HERC2: variants seen among roughly 807,000 people sequenced by gnomAD.
The protein encoded by HERC2 is HECT and RLD domain containing E3 ubiquitin protein ligase 2, also known as E3 ubiquitin-protein ligase HERC2.
A neutral mutation model predicts 537.7 loss-of-function variants in HERC2; 102 were observed. The observed-to-expected ratio is 0.19, with a 90% CI of 0.16 to 0.22. The LOEUF is 0.22. Among genes scored for constraint, HERC2 ranks in the 10% least tolerant of loss-of-function variants. The probability of loss-of-function intolerance (pLI) is 1.00; values close to 1 mark genes in which losing one functional copy is unlikely to be tolerated. For missense variants in HERC2, 4,236 were observed against 6,198.2 expected (o/e 0.68, Z 10.63); for synonymous variants, 2,224 against 2,466.2 (o/e 0.90, Z 2.91).
At chr15:28,296,338 G>C (rs896483569) in intron 3 of HERC2, among the ~76,000 whole-genome samples, 4 of 152,102 alleles carry the variant, frequency 2.6e-5, no homozygotes, top group African/African-American at 9.7e-5. Context: ...GCTGGGCATG[G>C]TGGAGGGTGC....
intron 4 of HERC2, among the ~76,000 whole-genome samples, chr15:28,285,559 A>T (rs2076133615): frequency 6.6e-6 from 1 of 152,090 alleles, no homozygotes; most frequent in African/African-American, 2.4e-5. Context: ...GTGATGAGAA[A>T]TTTACAGCAC....
intron 2 of HERC2, among the ~76,000 whole-genome samples, chr15:28,300,166 G>A (rs2076582978): frequency 6.6e-6 from 1 of 151,980 alleles, no homozygotes; most frequent in Non-Finnish European, 1.5e-5. Flanking sequence ...TACCTACGGG[G>A]AAATGGGGAG....
chr15:28,279,896 C>T, intron 5 of HERC2, 172 bp downstream of exon 5: 1 of 606,348 alleles, frequency 1.6e-6, no homozygotes, highest in Non-Finnish European at 2.9e-6. Context: ...ACTACATGAG[C>T]AAATTGGCAA....
chr15:28,280,172 G>A lies in HERC2; in HGVS notation c.438C>T (p.Ile146=). 1 of 1,614,168 alleles carries A rather than the reference G, an allele frequency of 6.2e-7. No homozygotes were observed. The highest frequency in any genetic ancestry group is 8.5e-7 in the Non-Finnish European group (1 of 1,180,022). ...TCAAGGCAATGAAATAGCGCTCCAA[G>A]ATCACCAGCCTCTGCTTGAGTCGCA... ...SALRLKQRLV[I]LERYFIALNR... The change falls in exon 5 of 93, where the codon ATC becomes ATT. Residue 146 remains isoleucine (I), a synonymous_variant. Transcript: ENST00000261609.
chr15:28,274,454 G>A lies in HERC2; in HGVS notation c.644-7C>T, dbSNP rs535970207. 9.4e-6 allele frequency: 15 copies of A among 1,602,992 alleles called. No homozygotes were observed. Among genetic ancestry groups the A allele is most frequent in the African/African-American group, 6.7e-5 (5 of 74,682 alleles). On this transcript the variant is annotated splice_polypyrimidine_tract_variant and splice_region_variant and intron_variant, in intron 6 of 92. Coordinates refer to ENST00000261609, the MANE Select transcript of HERC2 (RefSeq NM_004667.6). ...CAGAGGTCCGCATCCTCGCCTGGGC[G>A]CACACACGCGTCAGAGGAGCCCCCC...
rs765632780 is a variant in HERC2 at position 28,111,725 on chromosome 15, T to C, written c.*38A>G. On this transcript the variant is annotated 3_prime_UTR_variant, in exon 93 of 93. Transcript: ENST00000261609. The stretch of plus-strand genomic sequence containing the variant: ...ACACAGCAGCGAGCGCTCTGCTGCC[T>C]GGCTCAGGCTCTCATCTCACGAGGA... 6.2e-7 allele frequency: 1 copy of C among 1,605,268 alleles called. No individual in the cohort carries two copies. The highest frequency in any genetic ancestry group is 1.3e-5 in the African/African-American group (1 of 74,850).
chr15:28,293,744 C>T (rs1596410902), intron 3 of HERC2, among the ~76,000 whole-genome samples: 1 of 152,314 alleles, frequency 6.6e-6, no homozygotes, highest in South Asian at 2.1e-4. Context: ...CCCTACTCCA[C>T]TGCCAACTGG....
chr15:28,300,524 T>C (rs1171842595), intron 2 of HERC2, among the ~76,000 whole-genome samples: 1 of 151,416 alleles, frequency 6.6e-6, no homozygotes, highest in Non-Finnish European at 1.5e-5. Flanking sequence ...TAAATGTTCT[T>C]AGAAATTAAG....
chr15:28,168,271 T>C, intron 67 of HERC2, 136 bp downstream of exon 67: 2 of 765,294 alleles, frequency 2.6e-6, no homozygotes, highest in Non-Finnish European at 4.3e-6. Context: ...ACAGAGAATA[T>C]TCTTCTAAGT....
chr15:28,269,196 C>G, intron 11 of HERC2, 52 bp downstream of exon 11: 1 of 1,487,956 alleles, frequency 6.7e-7, no homozygotes, highest in Non-Finnish European at 9.2e-7. Flanking sequence ...ATCTGTAGGA[C>G]AGACCCTGCC....
chr15:28,214,617 T>A (rs1899677951), intron 40 of HERC2, 38 bp downstream of exon 40: 1 of 1,608,562 alleles, frequency 6.2e-7, no homozygotes, highest in Admixed American at 1.7e-5. Context: ...ACTGCGCCGC[T>A]CTTCACCAGG....
Position 28,214,165 on chromosome 15 carries a change from G to C in HERC2, c.6466C>G (p.Leu2156Val). 1 of 1,613,568 alleles carries C rather than the reference G, an allele frequency of 6.2e-7. No homozygotes were observed. Among genetic ancestry groups the C allele is most frequent in the Non-Finnish European group, 8.5e-7 (1 of 1,179,920 alleles). The change falls in exon 41 of 93, where the codon CTG becomes GTG. Residue 2156 changes from leucine (L) to valine (V), a missense_variant. Coordinates refer to ENST00000261609, the MANE Select transcript of HERC2 (RefSeq NM_004667.6). ...VVALLRTLHSLTQWNGLINKY... is the reference protein window; with the variant it reads ...VVALLRTLHSVTQWNGLINKY... ...TTGATGAGCCCATTCCACTGAGTCA[G>C]GGAGTGCAGCGTGCGCAGCAGTGCC...
intron 68 of HERC2, among the ~76,000 whole-genome samples, chr15:28,166,009 G>A (rs1894102608): frequency 6.6e-6 from 1 of 152,122 alleles, no homozygotes. Flanking sequence ...ATTGAGCCTG[G>A]AATTTTGTGT....
At chr15:28,249,670 CAG>C (rs1311619666) in intron 20 of HERC2, among the ~76,000 whole-genome samples, 1 of 152,042 alleles carries the variant, frequency 6.6e-6, no homozygotes, top group Non-Finnish European at 1.5e-5. Context: ...TTTTTTGAGA[CAG>C]AGTCTAGCTT....
chr15:28,114,630 C>T lies in HERC2; in HGVS notation c.13895G>A (p.Arg4632Gln), dbSNP rs751493128. 18 of 1,613,628 alleles carry T rather than the reference C, an allele frequency of 1.1e-5. 1 individual carries two copies. The South Asian group carries it at 1.2e-4, about 11-fold the overall frequency. ...CACCAACCTATAGTTTATCGCCAGC[C>T]GCACGTACTCCGCGCGGTTGTCCAG... Reference protein sequence around the residue: ...ITLDNRAEYVRLAINYRLHEF... With the variant: ...ITLDNRAEYVQLAINYRLHEF... Residue 4632 changes from arginine to glutamine, a missense_variant, in exon 90 of 93, where the codon CGG becomes CAG. Arg to Gln is a conservative substitution (Grantham distance 43). Transcript: ENST00000261609.
chr15:28,206,639 C>T (rs991293405), intron 44 of HERC2, among the ~76,000 whole-genome samples: 1 of 151,630 alleles, frequency 6.6e-6, no homozygotes, highest in African/African-American at 2.4e-5. Flanking sequence ...CAAGACCATC[C>T]TGGGTAACAC....
At chr15:28,237,751 T>C (rs1447040810) in intron 25 of HERC2, among the ~76,000 whole-genome samples, 1 of 152,232 alleles carries the variant, frequency 6.6e-6, no homozygotes, top group Admixed American at 6.5e-5. Context: ...GAAGGACATA[T>C]TTCTACTGTA....
At chr15:28,236,271 T>TATC (rs200810082) in intron 26 of HERC2, among the ~76,000 whole-genome samples, 170 of 152,004 alleles carry the variant, frequency 1.1e-3, no homozygotes, top group African/African-American at 3.7e-3. Flanking sequence ...TTATTATTTT[T>TATC]ATCATCATCA....
chr15:28,247,449 A>G (rs548857332), intron 21 of HERC2, among the ~76,000 whole-genome samples: 97 of 93,880 alleles, frequency 1.0e-3, no homozygotes, highest in African/African-American at 4.2e-3. Context: ...TTTTTTTGAG[A>G]CCGAGTTTCA....
Sources: allele counts gnomAD v4.1 joint callset (sites outside exome capture counted in the v4.1 genomes callset), GRCh38; gene constraint gnomAD v4.1.1; transcripts MANE v1.5; gene names NCBI Gene and HGNC (gene_info 2026-07-23, HGNC 2026-07-21).